LAMA2: variants seen among roughly 807,000 people sequenced by gnomAD.
The protein encoded by LAMA2 is laminin subunit alpha 2.
In LAMA2, 269 loss-of-function variants were observed where a neutral mutation model predicts 364.8. The observed-to-expected ratio is 0.74, with a 90% confidence interval of 0.67 to 0.82. The LOEUF is 0.82. Among genes scored for constraint, LAMA2 ranks in the 40% least tolerant of loss-of-function variants. The pLI is 0.00. For missense variants in LAMA2, 3,807 were observed against 3,873.2 expected, an observed-to-expected ratio of 0.98 and a Z score of 0.45; for synonymous variants, 1,379 against 1,370.6, an observed-to-expected ratio of 1.01 and a Z score of -0.14.
chr6:129,300,157 G>A (rs1339180880), intron 21 of LAMA2, among the ~76,000 whole-genome samples: 1 of 152,024 alleles, frequency 6.6e-6, no homozygotes, highest in Admixed American at 6.6e-5. Context: ...AAAGTCAGGT[G>A]GTAAATAAAA....
Position 129,274,032 on chromosome 6 carries a change from A to G in LAMA2, c.2450+3281A>G, listed in dbSNP as rs563867830. Among the ~76,000 whole-genome samples, 8 of 152,076 alleles carry G rather than the reference A, an allele frequency of 5.3e-5. No individual in the cohort carries two copies. The South Asian group carries it at 1.7e-3, about 32-fold the overall frequency. ...AATTTATTTTAAATTCCAGCTTTCA[A>G]TGTGGTATTTTAACAAGTAGAAAGA... On this transcript the variant is annotated intron_variant, in intron 17 of 64. Transcript: ENST00000421865.
chr6:129,142,269 C>T (rs1278238454), intron 4 of LAMA2, among the ~76,000 whole-genome samples: 1 of 151,944 alleles, frequency 6.6e-6, no homozygotes, highest in East Asian at 1.9e-4. Context: ...TTTATTTCCC[C>T]ACAGTACTGG....
At chr6:129,176,881 T>G (rs781138470) in intron 9 of LAMA2, among the ~76,000 whole-genome samples, 1 of 152,158 alleles carries the variant, frequency 6.6e-6, no homozygotes, top group Non-Finnish European at 1.5e-5. Flanking sequence ...AACTCATTAG[T>G]ATGTATTTAG....
rs1781592751 is a variant in LAMA2, at chr6:129,192,690, T to C, written c.1619T>C (p.Met540Thr). 6.2e-7 allele frequency: 1 copy of C among 1,613,994 alleles called. No individual in the cohort carries two copies. Among genetic ancestry groups the C allele is most frequent in the Non-Finnish European group, 8.5e-7 (1 of 1,179,866 alleles). Residue 540 changes from methionine to threonine, a missense_variant, in exon 12 of 65, where the codon ATG becomes ACG. Transcript: ENST00000421865. ...SYWTYGKIQD[M>T]SGWYLTDLPG... Reference sequence around the variant, plus strand: ...TGTGTTTTCTCTAAGATACAAGATATGAGTGGCTGGTATCTGACTGACCTT... The same window carrying C: ...TGTGTTTTCTCTAAGATACAAGATACGAGTGGCTGGTATCTGACTGACCTT...
At position 129,225,653 on chromosome 6, in the gene LAMA2, T is replaced by A. The variant is rs547801328; in HGVS notation, c.1783-24459T>A. 7.9e-5 allele frequency among the ~76,000 whole-genome samples: 12 copies of A among 152,294 alleles called. No homozygotes were observed. The East Asian group carries it at 2.3e-3, about 29-fold the overall frequency. On this transcript the variant is annotated intron_variant, in intron 12 of 64. Transcript: ENST00000421865. The stretch of plus-strand genomic sequence containing the variant: ...ATGTAGTTGAGCCGTTTTCAGTGAG[T>A]TTCTTAATCCTGAGTTCTAGTTTGA...
rs1375493998 is a variant in LAMA2, at chr6:129,516,284, G to A, written c.9306G>A (p.Glu3102=). 2 of 1,614,102 alleles carry A rather than the reference G, an allele frequency of 1.2e-6. No individual in the cohort carries two copies. Among genetic ancestry groups the A allele is most frequent in the African/African-American group, 1.3e-5 (1 of 75,040 alleles). Reference sequence around the variant, plus strand: ...CCAAAGGCACAGGCAAGCCACTGGAGGTTAATTTTGCCAAGGCCCTGGAAC... The same window carrying A: ...CCAAAGGCACAGGCAAGCCACTGGAAGTTAATTTTGCCAAGGCCCTGGAAC... The part of the protein sequence containing the change: ...KLTKGTGKPL[E]VNFAKALELR... Residue 3102 remains glutamate, a synonymous_variant, in exon 65 of 65, where the codon GAG becomes GAA. Coordinates refer to ENST00000421865, the MANE Select transcript of LAMA2 (RefSeq NM_000426.4).
intron 12 of LAMA2, among the ~76,000 whole-genome samples, chr6:129,243,504 T>G (rs531955460): frequency 2.0e-4 from 30 of 151,724 alleles, no homozygotes; most frequent in Non-Finnish European, 2.6e-4. Flanking sequence ...AAAATATGAG[T>G]GAGTAATCCT....
intron 1 of LAMA2, among the ~76,000 whole-genome samples, chr6:128,972,772 G>A (rs946078047): frequency 1.3e-5 from 2 of 151,990 alleles, no homozygotes; most frequent in African/African-American, 4.8e-5. Context: ...AGAACTGTTA[G>A]AGCATCCATA....
intron 34 of LAMA2, among the ~76,000 whole-genome samples, chr6:129,374,712 G>A (rs1778274990): frequency 6.6e-6 from 1 of 151,780 alleles, no homozygotes; most frequent in Non-Finnish European, 1.5e-5. Flanking sequence ...CAAGTAGCTG[G>A]GATTGCAGGC....
chr6:128,892,169 T>G (rs1776492006), intron 1 of LAMA2, among the ~76,000 whole-genome samples: 1 of 152,064 alleles, frequency 6.6e-6, no homozygotes, highest in South Asian at 2.1e-4. Context: ...TTCTAAAAAT[T>G]TCTTTGAGGA....
chr6:129,314,165 C>T (rs1380683311), intron 23 of LAMA2, among the ~76,000 whole-genome samples: 1 of 152,086 alleles, frequency 6.6e-6, no homozygotes, highest in African/African-American at 2.4e-5. Context: ...CTTTGGGAGG[C>T]CGAGGCGGGC....
At position 129,144,012 on chromosome 6, in the gene LAMA2, C is replaced by T. The variant is rs1215926148; in HGVS notation, c.751C>T (p.Leu251=). The T allele has an allele frequency of 1.2e-6, 2 of 1,612,706 alleles. No homozygotes were observed. Among genetic ancestry groups the T allele is most frequent in the African/African-American group, 1.3e-5 (1 of 74,950 alleles). The change falls in exon 5 of 65, where the codon CTG becomes TTG. Residue 251 remains leucine (L), a synonymous_variant. Coordinates refer to ENST00000421865, the MANE Select transcript of LAMA2 (RefSeq NM_000426.4). ...CCTGAGATTTCAGAGGATCCGCACACTGAATGCTGACTTGATGATGTTTGC... is the reference window on the plus strand; with the variant it reads ...CCTGAGATTTCAGAGGATCCGCACATTGAATGCTGACTTGATGATGTTTGC... ...IRLRFQRIRT[L]NADLMMFAHK...
Position 129,465,169 on chromosome 6 carries a change from AC to A in LAMA2, c.7181del (p.Thr2394MetfsTer5), listed in dbSNP as rs1583815667. ...DLRDFMSVELTDGHIKVSYDL... is the reference protein window; with the variant it reads ...DLRDFMSVELXDGHIKVSYDL... ...GAGAGATTTCATGAGTGTGGAGCTC[AC>A]TGATGGGCACATAAAAGTCAGTTAC... On this transcript the variant is annotated frameshift_variant, in exon 51 of 65. Coordinates refer to ENST00000421865, the MANE Select transcript of LAMA2 (RefSeq NM_000426.4). LOFTEE classifies it high-confidence loss of function. 6.2e-7 allele frequency: 1 copy of A among 1,611,106 alleles called. No individual in the cohort carries two copies.
At chr6:128,957,622 A>G (rs140055204) in intron 1 of LAMA2, among the ~76,000 whole-genome samples, 1 of 152,146 alleles carries the variant, frequency 6.6e-6, no homozygotes, top group East Asian at 1.9e-4. Flanking sequence ...GGGGAGAAAC[A>G]GATGTAGAAT....
At position 129,496,491 on chromosome 6, in the gene LAMA2, A is replaced by T. The variant is rs554648877; in HGVS notation, c.8244+4008A>T. ...TATTTCCCCTTCTTTTGCACATTAT[A>T]ATTAGTTATGACTGTGTGGTCAGAA... On this transcript the variant is annotated intron_variant, in intron 58 of 64. Transcript: ENST00000421865. 5.3e-5 allele frequency among the ~76,000 whole-genome samples: 8 copies of T among 152,154 alleles called. No homozygotes were observed. The South Asian group carries it at 1.2e-3, about 24-fold the overall frequency.
At chr6:128,891,555 A>G (rs1016920418) in intron 1 of LAMA2, among the ~76,000 whole-genome samples, 6 of 152,050 alleles carry the variant, frequency 3.9e-5, no homozygotes, top group Non-Finnish European at 7.4e-5. Context: ...AACACTGAAT[A>G]TAAAACATGA....
intron 12 of LAMA2, among the ~76,000 whole-genome samples, chr6:129,217,021 T>G (rs1185596444): frequency 6.6e-6 from 1 of 152,028 alleles, no homozygotes; most frequent in Admixed American, 6.6e-5. Context: ...AAACCCTGTC[T>G]GTACTAAAAA....
chr6:129,425,383 T>A (rs921306950), intron 40 of LAMA2, among the ~76,000 whole-genome samples: 2 of 152,070 alleles, frequency 1.3e-5, no homozygotes, highest in South Asian at 4.1e-4. Flanking sequence ...TTTTCTCTCT[T>A]ACCAATTCCA....
intron 1 of LAMA2, among the ~76,000 whole-genome samples, chr6:128,913,104 A>G (rs1458626868): frequency 1.3e-5 from 2 of 152,218 alleles, no homozygotes; most frequent in African/African-American, 2.4e-5. Context: ...TTAAAAACCA[A>G]TCCACTCTGA....
Sources: allele counts gnomAD v4.1 joint callset (sites outside exome capture counted in the v4.1 genomes callset), GRCh38; gene constraint gnomAD v4.1.1; transcripts MANE v1.5; gene names NCBI Gene and HGNC (gene_info 2026-07-23, HGNC 2026-07-21).